The following FRMPD4 variants were observed in gnomAD, a reference collection of about 807,000 sequenced individuals.
FRMPD4 encodes the protein FERM and PDZ domain-containing protein 4.
In FRMPD4, 22 loss-of-function variants were observed where a neutral mutation model predicts 94.1. That is an observed-to-expected ratio of 0.23 (90% CI 0.17 to 0.33). The LOEUF (loss-of-function observed/expected upper bound fraction) is 0.33, where lower values mean the gene tolerates loss of function less well. Ranked by LOEUF, FRMPD4 falls within the 10% of genes least tolerant of loss-of-function variation. The probability of loss-of-function intolerance (pLI) is 1.00; values close to 1 mark genes in which losing one functional copy is unlikely to be tolerated. For missense variants in FRMPD4, 1,111 were observed against 1,339.9 expected, an observed-to-expected ratio of 0.83 and a Z score of 2.67; for synonymous variants, 631 against 548.6, an observed-to-expected ratio of 1.15 and a Z score of -2.10.
chrX:12,239,442 T>C (rs1269364128), intron 1 of FRMPD4, among the ~76,000 whole-genome samples: 2 of 112,696 alleles, frequency 1.8e-5, no homozygotes, highest in East Asian at 5.5e-4. Context: ...GTCAAGATTA[T>C]GCAATTGCTT....
chrX:11,874,889 A>G (rs1320844404), intron 2 of FRMPD4, among the ~76,000 whole-genome samples: 1 of 111,767 alleles, frequency 8.9e-6, no homozygotes, highest in Non-Finnish European at 1.9e-5. Flanking sequence ...AAATGTTTGG[A>G]GGTGAAAATT....
chrX:12,506,438 G>A (rs912658823), intron 2 of FRMPD4, among the ~76,000 whole-genome samples: 2 of 110,761 alleles, frequency 1.8e-5, no homozygotes, highest in African/African-American at 3.3e-5. Context: ...ACAGGTGCAC[G>A]CCACCACACC....
At chrX:12,257,377 TAC>T (rs1158262176) in intron 1 of FRMPD4, among the ~76,000 whole-genome samples, 3 of 112,018 alleles carry the variant, frequency 2.7e-5, no homozygotes, top group Admixed American at 9.5e-5. Context: ...CCTTCTAGCA[TAC>T]ACACACACAA....
At chrX:12,205,973 C>T (rs1301527172) in intron 1 of FRMPD4, among the ~76,000 whole-genome samples, 1 of 112,113 alleles carries the variant, frequency 8.9e-6, no homozygotes, top group African/African-American at 3.2e-5. Flanking sequence ...GCTATAGGCT[C>T]TGTGATAGCA....
intron 1 of FRMPD4, among the ~76,000 whole-genome samples, chrX:11,830,269 C>A (rs781218627): frequency 8.9e-6 from 1 of 111,925 alleles, no homozygotes; most frequent in African/African-American, 3.2e-5. Context: ...GAATATACAA[C>A]ATTTAAAGAA....
intron 10 of FRMPD4, among the ~76,000 whole-genome samples, chrX:12,704,100 T>G (rs1399667239): frequency 8.9e-6 from 1 of 112,722 alleles, no homozygotes; most frequent in Non-Finnish European, 1.9e-5. Context: ...TCTCTTCACT[T>G]TACATTGGCT....
intron 1 of FRMPD4, among the ~76,000 whole-genome samples, chrX:12,465,370 A>G (rs915874142): frequency 2.1e-4 from 24 of 111,746 alleles, no homozygotes; most frequent in African/African-American, 7.5e-4. Flanking sequence ...CTGATTGAAG[A>G]GAAGTATCTT....
chrX:12,542,734 A>G (rs1404705446), intron 2 of FRMPD4, among the ~76,000 whole-genome samples: 1 of 112,000 alleles, frequency 8.9e-6, no homozygotes, highest in Non-Finnish European at 1.9e-5. Context: ...TTGGAAAAAA[A>G]CTACTTTAAA....
intron 3 of FRMPD4, among the ~76,000 whole-genome samples, chrX:12,005,660 T>A (rs2054548477): frequency 8.9e-6 from 1 of 112,894 alleles, no homozygotes; most frequent in Non-Finnish European, 1.9e-5. Context: ...ATGTCATCTT[T>A]CTGAGCGCCA....
intron 2 of FRMPD4, among the ~76,000 whole-genome samples, chrX:12,533,683 T>C (rs1326175361): frequency 8.9e-6 from 1 of 112,259 alleles, no homozygotes; most frequent in Non-Finnish European, 1.9e-5. Context: ...GCTGGCATTT[T>C]GCCCCTGCCC....
At chrX:12,078,187 A>G (rs1186336361) in intron 3 of FRMPD4, among the ~76,000 whole-genome samples, 4 of 112,451 alleles carry the variant, frequency 3.6e-5, no homozygotes, top group Non-Finnish European at 5.6e-5. Context: ...GTTTCAAGAA[A>G]TGTGGCTTAT....
chrX:12,664,188 C>G (rs959536377), intron 4 of FRMPD4, among the ~76,000 whole-genome samples: 2 of 112,029 alleles, frequency 1.8e-5, no homozygotes, highest in East Asian at 5.6e-4. Context: ...TTTGAATACC[C>G]GTTATTTCTT....
chrX:12,483,985 A>T (rs2057715031), intron 1 of FRMPD4, among the ~76,000 whole-genome samples: 1 of 111,435 alleles, frequency 9.0e-6, no homozygotes, highest in Admixed American at 9.6e-5. Context: ...GGCTTACGGG[A>T]CTCACAACTG....
At chrX:12,432,845 C>T (rs1751392081) in intron 1 of FRMPD4, among the ~76,000 whole-genome samples, 1 of 112,296 alleles carries the variant, frequency 8.9e-6, no homozygotes, top group African/African-American at 3.2e-5. Context: ...AAGCAATCCT[C>T]CAGCCTTGGC....
intron 1 of FRMPD4, among the ~76,000 whole-genome samples, chrX:12,477,533 C>T (rs1414175055): frequency 3.6e-5 from 4 of 112,534 alleles, no homozygotes; most frequent in Non-Finnish European, 7.5e-5. Context: ...CTGAGAACTG[C>T]TGGGCAGACA....
chrX:12,207,194 A>T (rs907813573), intron 1 of FRMPD4, among the ~76,000 whole-genome samples: 1 of 111,956 alleles, frequency 8.9e-6, no homozygotes, highest in Non-Finnish European at 1.9e-5. Context: ...ATAATGCCAT[A>T]TGCAGAGATA....
chrX:12,144,205 G>C (rs776691114), intron 1 of FRMPD4, among the ~76,000 whole-genome samples: 18 of 112,207 alleles, frequency 1.6e-4, no homozygotes, highest in African/African-American at 5.8e-4. Flanking sequence ...TGTAGTCAGA[G>C]GAATGGAGGT....
At chrX:12,119,387 A>G (rs1312095573) in intron 3 of FRMPD4, among the ~76,000 whole-genome samples, 1 of 112,426 alleles carries the variant, frequency 8.9e-6, no homozygotes, top group Non-Finnish European at 1.9e-5. Flanking sequence ...CTCAAAATGA[A>G]CATGTGACTG....
At chrX:12,628,475 C>T (rs1352167631) in intron 4 of FRMPD4, among the ~76,000 whole-genome samples, 1 of 112,427 alleles carries the variant, frequency 8.9e-6, no homozygotes, top group African/African-American at 3.2e-5. Context: ...TCTCTGTCAT[C>T]TTGCATGCAC....
Sources: gnomAD v4.1 joint callset for allele counts (sites outside exome capture counted in the v4.1 genomes callset) on GRCh38, gnomAD v4.1.1 for gene constraint, MANE v1.5 for transcripts, NCBI Gene and HGNC (gene_info 2026-07-23, HGNC 2026-07-21) for gene names.